PEAR1: variants seen among roughly 807,000 people sequenced by gnomAD.
PEAR1 encodes multiple EGF-like domains protein 12.
In PEAR1, 113 loss-of-function variants were observed where a neutral mutation model predicts 131.2. That is an observed-to-expected ratio of 0.86 (90% CI 0.74 to 1.01). The LOEUF is 1.01. Among genes scored for constraint, PEAR1 ranks in the 50% least tolerant of loss-of-function variants. The pLI is 0.00. For synonymous variants in PEAR1, 565 were observed against 523.3 expected (o/e 1.08, Z -1.09); for missense variants, 1,408 against 1,391.1 (o/e 1.01, Z -0.19).
At chr1:156,899,056 T>C (rs12407092) in intron 1 of PEAR1, among the ~76,000 whole-genome samples, 18,904 of 152,184 alleles carry the variant, frequency 0.12, 1,355 homozygotes, top group East Asian at 0.35. Context: ...GTCTGAGGTC[T>C]GAGGTCTGAG....
chr1:156,895,807 G>A (rs999326064), intron 1 of PEAR1, among the ~76,000 whole-genome samples: 3 of 152,242 alleles, frequency 2.0e-5, no homozygotes, highest in African/African-American at 7.2e-5. Context: ...AACACCAGGC[G>A]AGGTGGCTCA....
In PEAR1 at chr1:156,914,205, G is replaced by A. The variant is rs1651623117; in HGVS notation, c.2962+105G>A. ...AAGAGAAGGCATGATGTGGCATCAA[G>A]AGTGAGGCCTTTGGGGTCAGCTTCG... is the stretch of plus-strand genomic sequence containing the variant. On this transcript the variant is annotated intron_variant, in intron 22 of 22. Coordinates refer to ENST00000292357, the MANE Select transcript of PEAR1 (RefSeq NM_001080471.3). The A allele has an allele frequency of 4.9e-6, 7 of 1,442,572 alleles. No individual in the cohort carries two copies. In the South Asian group the frequency reaches 1.0e-4, roughly 21 times the overall value. 89.4% of individuals were successfully genotyped at this position (1,442,572 alleles called of 1,614,324 possible). A position where few individuals can be genotyped will look rare whatever the true frequency, so the allele number is the denominator to read the frequency against.
intron 1 of PEAR1, among the ~76,000 whole-genome samples, chr1:156,900,247 T>C (rs184762256): frequency 3.3e-5 from 5 of 152,048 alleles, no homozygotes; most frequent in African/African-American, 1.2e-4. Flanking sequence ...GAGAGAAGTG[T>C]CAGCTCATTC....
chr1:156,897,956 A>G (rs543720283), intron 1 of PEAR1, among the ~76,000 whole-genome samples: 2 of 151,880 alleles, frequency 1.3e-5, no homozygotes, highest in South Asian at 2.1e-4. Flanking sequence ...TGGCCAGAGC[A>G]CTTTCTGAAG....
Position 156,913,702 on chromosome 1 carries a change from C to G in PEAR1, c.2655C>G (p.Arg885=), listed in dbSNP as rs773649911. Residue 885 remains arginine, a synonymous_variant, in exon 21 of 23, where the codon CGC becomes CGG. Coordinates refer to ENST00000292357, the MANE Select transcript of PEAR1 (RefSeq NM_001080471.3). The part of the protein sequence containing the change: ...PPGPLDRGSS[R]LDRSYSYSYS... ...CCTCCTCCTCCTCAGGGAGCAGCCGCCTGGACCGAAGCTACAGCTATAGCT... is the reference window on the plus strand; with the variant it reads ...CCTCCTCCTCCTCAGGGAGCAGCCGGCTGGACCGAAGCTACAGCTATAGCT... The G allele has an allele frequency of 1.9e-6, 3 of 1,613,984 alleles. No individual in the cohort carries two copies. Among genetic ancestry groups the G allele is most frequent in the East Asian group, 4.5e-5 (2 of 44,884 alleles).
intron 18 of PEAR1, 47 bp from the exon 19 acceptor site, chr1:156,913,147 C>T: frequency 6.3e-7 from 1 of 1,590,930 alleles, no homozygotes; most frequent in Non-Finnish European, 8.6e-7. Flanking sequence ...CTCTCTTGGA[C>T]TCCTGCCCAT....
chr1:156,909,953 G>A, intron 12 of PEAR1, 39 bp downstream of exon 12: 2 of 1,612,084 alleles, frequency 1.2e-6, no homozygotes, highest in African/African-American at 2.7e-5. Flanking sequence ...GGGTGGGGAG[G>A]GCATGGCGTC....
rs770504276 is a variant in PEAR1, at chr1:156,913,189, T to A, written c.2423-5T>A. 6.2e-7 allele frequency: 1 copy of A among 1,613,032 alleles called. No individual in the cohort carries two copies. Among genetic ancestry groups the A allele is most frequent in the Admixed American group, 1.7e-5 (1 of 59,942 alleles). On this transcript the variant is annotated splice_polypyrimidine_tract_variant and splice_region_variant and intron_variant, in intron 18 of 22. Transcript: ENST00000292357. The stretch of plus-strand genomic sequence containing the variant: ...GCTCACCCTGTGCTTGTGTCTGTCA[T>A]GCAGATGTCCCTCCGAGCTACAGTC...
rs199819426 is a variant in PEAR1, at chr1:156,911,202, T to TC, written c.1951+459_1951+460insC. Among the ~76,000 whole-genome samples, 4 of 119,632 alleles carry TC rather than the reference T, an allele frequency of 3.3e-5. 1 individual carries two copies. The highest frequency in any genetic ancestry group is 1.6e-4 in the Admixed American group (2 of 12,548). 78.5% of individuals were successfully genotyped at this position (119,632 alleles called of 152,430 possible). On this transcript the variant is annotated intron_variant, in intron 15 of 22. Coordinates refer to ENST00000292357, the MANE Select transcript of PEAR1 (RefSeq NM_001080471.3). Reference sequence around the variant, plus strand: ...TTTCTTTCTTCTTTCTTTCTTTCTTTTCTTTCTTTCTTTCTTTCCTTTCTT... The same window carrying TC: ...TTTCTTTCTTCTTTCTTTCTTTCTTTCTCTTTCTTTCTTTCTTTCCTTTCTT...
Position 156,908,092 on chromosome 1 carries a change from TG to T in PEAR1, c.903-32del, listed in dbSNP as rs150532135. ...CGGGCGGGAGACGGGAGGGAGGAGG[TG>T]GGGCGCCGCCAGGCTCACTCAGCTA... On this transcript the variant is annotated intron_variant, in intron 8 of 22. Transcript: ENST00000292357. The surrounding 1 kb of genome is among the most constrained non-coding windows in gnomAD (Gnocchi z 4.2). 1.4e-6 allele frequency: 2 copies of T among 1,396,898 alleles called. No individual in the cohort carries two copies. The highest frequency in any genetic ancestry group is 2.0e-6 in the Non-Finnish European group (2 of 1,023,360). 86.5% of individuals were successfully genotyped at this position (1,396,898 alleles called of 1,614,324 possible).
rs775846880 is a variant in PEAR1, at chr1:156,908,779, G to A, written c.1240G>A (p.Gly414Ser). Residue 414 changes from glycine to serine, a missense_variant, in exon 10 of 23, where the codon GGC becomes AGC. Coordinates refer to ENST00000292357, the MANE Select transcript of PEAR1 (RefSeq NM_001080471.3). The surrounding 1 kb of genome is among the most constrained non-coding windows in gnomAD (Gnocchi z 4.2). ...CQEHCLCLHG[G>S]VCQATSGLCQ... ...GGAGCACTGTCTCTGCCTGCACGGTGGCGTCTGCCAGGCTACCAGCGGCCT... is the reference window on the plus strand; with the variant it reads ...GGAGCACTGTCTCTGCCTGCACGGTAGCGTCTGCCAGGCTACCAGCGGCCT... 9 of 1,602,798 alleles carry A rather than the reference G, an allele frequency of 5.6e-6. 1 individual carries two copies. The highest frequency in any genetic ancestry group is 1.7e-4 in the Middle Eastern group (1 of 6,034).
chr1:156,913,027 T>G (rs371003119), intron 18 of PEAR1, 45 bp downstream of exon 18: 108 of 1,607,286 alleles, frequency 6.7e-5, no homozygotes, highest in East Asian at 2.0e-4. Flanking sequence ...GGCTGGCTCA[T>G]AGGCACAAGA....
At chr1:156,905,485 A>C in intron 4 of PEAR1, 61 bp downstream of exon 4, 1 of 1,441,552 alleles carries the variant, frequency 6.9e-7, no homozygotes, top group Non-Finnish European at 9.3e-7. Context: ...AGCTTAGCCT[A>C]CTCTTCTGAG....
At position 156,910,026 on chromosome 1, in the gene PEAR1, T is replaced by A. The variant is rs530733249; in HGVS notation, c.1596T>A (p.Gly532=). ...CCAAGAAGGGGCAGTTTGGAGAAGG[T>A]TGTGCCAGTCGCTGTGACTGTGACC... ...LPCPKGQFGE[G]CASRCDCDHS... Residue 532 remains glycine, a synonymous_variant, in exon 13 of 23, where the codon GGT becomes GGA. Transcript: ENST00000292357. The A allele has an allele frequency of 8.1e-6, 13 of 1,613,896 alleles. No homozygotes were observed. The East Asian group carries it at 2.5e-4, about 30-fold the overall frequency.
In PEAR1 at chr1:156,910,281, T is replaced by G. The variant is rs763701357; in HGVS notation, c.1726T>G (p.Cys576Gly). The G allele has an allele frequency of 1.9e-6, 3 of 1,613,516 alleles. No individual in the cohort carries two copies. The highest frequency in any genetic ancestry group is 1.7e-6 in the Non-Finnish European group (2 of 1,179,740). ...CCCTGAGGGCTTATGGGGAGTCAAC[T>G]GTAGCAACACCTGCACCTGCAAGAA... ...SCPEGLWGVN[C>G]SNTCTCKNGG... is the part of the protein sequence containing the mutation. Residue 576 changes from cysteine to glycine, a missense_variant, in exon 14 of 23, where the codon TGT becomes GGT. Physicochemically the swap from Cys to Gly is radical, Grantham distance 159. Coordinates refer to ENST00000292357, the MANE Select transcript of PEAR1 (RefSeq NM_001080471.3).
In PEAR1 at chr1:156,906,787, G is replaced by C. The variant is rs1185584316; in HGVS notation, c.551G>C (p.Gly184Ala). The change falls in exon 6 of 23, where the codon GGC (glycine) becomes GCC (alanine). Residue 184 changes from glycine (G) to alanine (A), a missense_variant. Physicochemically the swap from Gly to Ala is moderately conservative, Grantham distance 60. Transcript: ENST00000292357. Reference protein sequence around the residue: ...CLQPCTPGYYGPACQFRCQCH... With the variant: ...CLQPCTPGYYAPACQFRCQCH... ...CAGCCCTGTACCCCTGGCTACTATGGCCCTGCCTGCCAGTTCCGCTGCCAG... is the reference window on the plus strand; with the variant it reads ...CAGCCCTGTACCCCTGGCTACTATGCCCCTGCCTGCCAGTTCCGCTGCCAG... 39 of 1,614,058 alleles carry C rather than the reference G, an allele frequency of 2.4e-5. No homozygotes were observed. The highest frequency in any genetic ancestry group is 3.1e-5 in the Non-Finnish European group (36 of 1,180,048).
rs780635855 is a variant in PEAR1, at chr1:156,908,078, C to T, written c.902+27C>T. On this transcript the variant is annotated intron_variant, in intron 8 of 22. Coordinates refer to ENST00000292357, the MANE Select transcript of PEAR1 (RefSeq NM_001080471.3). The surrounding 1 kb of genome is among the most constrained non-coding windows in gnomAD (Gnocchi z 4.2). ...TGAGTGGCGTGGGGCGGGCGGGAGACGGGAGGGAGGAGGTGGGGCGCCGCC... is the reference window on the plus strand; with the variant it reads ...TGAGTGGCGTGGGGCGGGCGGGAGATGGGAGGGAGGAGGTGGGGCGCCGCC... 8.1e-6 allele frequency: 6 copies of T among 741,612 alleles called. No individual in the cohort carries two copies. The highest frequency in any genetic ancestry group is 2.7e-5 in the South Asian group (2 of 72,814). 45.9% of individuals were successfully genotyped at this position (741,612 alleles called of 1,614,324 possible).
At chr1:156,907,838 T>C in intron 7 of PEAR1, 77 bp from the exon 8 acceptor site, 1 of 1,553,188 alleles carries the variant, frequency 6.4e-7, no homozygotes, top group African/African-American at 1.5e-5. Context: ...TCTGTGGTTA[T>C]GGGGGTGTCA....
chr1:156,902,994 G>GT lies in PEAR1; in HGVS notation c.-9-923dup, dbSNP rs2102979035. 6.6e-6 allele frequency among the ~76,000 whole-genome samples: 1 copy of GT among 152,266 alleles called. No individual in the cohort carries two copies. The highest frequency in any genetic ancestry group is 2.1e-4 in the South Asian group (1 of 4,824). On this transcript the variant is annotated intron_variant, in intron 1 of 22. Transcript: ENST00000292357. This position sits in a 1 kb window ranked among gnomAD's most constrained non-coding sequence, Gnocchi z 4.3. ...TTCAGGTGATGGCACCTAGAGTTGG[G>GT]TGTTGTGGTGTGCTGGCTAAGGTGT...
Sources: allele counts gnomAD v4.1 joint callset (sites outside exome capture counted in the v4.1 genomes callset), GRCh38; gene constraint gnomAD v4.1.1; non-coding constraint Gnocchi (gnomAD v3.1); transcripts MANE v1.5; gene names NCBI Gene and HGNC (gene_info 2026-07-23, HGNC 2026-07-21).